The following PEX7 variants were observed in gnomAD, a reference collection of about 807,000 sequenced individuals.
The protein encoded by PEX7 is peroxisomal biogenesis factor 7, also known as PTS2 receptor.
A neutral mutation model predicts 47.5 loss-of-function variants in PEX7; 34 were observed. The observed-to-expected ratio is 0.72, with a 90% CI of 0.54 to 0.95. The LOEUF (loss-of-function observed/expected upper bound fraction) is 0.95. Ranked by LOEUF, PEX7 falls within the 40% of genes least tolerant of loss-of-function variation. The pLI is 0.00. For synonymous variants in PEX7, 141 were observed against 148.8 expected, an observed-to-expected ratio of 0.95 and a Z score of 0.38; for missense variants, 394 against 400.3, an observed-to-expected ratio of 0.98 and a Z score of 0.13.
At chr6:136,823,803 T>A (rs770372053) in intron 1 of PEX7, among the ~76,000 whole-genome samples, 1 of 151,996 alleles carries the variant, frequency 6.6e-6, no homozygotes, top group African/African-American at 2.4e-5. Context: ...GGTAAGAGAA[T>A]AGTTTGAACC....
At chr6:136,913,188 G>T (rs767311512) in intron 9 of PEX7, among the ~76,000 whole-genome samples, 1 of 152,176 alleles carries the variant, frequency 6.6e-6, no homozygotes, top group Non-Finnish European at 1.5e-5. Flanking sequence ...AAGTGAAGGT[G>T]GGGGACATTC....
chr6:136,822,946 CT>C (rs1774109387), intron 1 of PEX7, 151 bp downstream of exon 1: 1 of 1,209,004 alleles, frequency 8.3e-7, no homozygotes, highest in South Asian at 3.9e-5. Context: ...CTGGTCGGCG[CT>C]TCTCCTTTCT....
chr6:136,846,650 A>G (rs530280879), intron 5 of PEX7, among the ~76,000 whole-genome samples: 17 of 152,268 alleles, frequency 1.1e-4, no homozygotes, highest in African/African-American at 4.1e-4. Flanking sequence ...AGCTTTGTCC[A>G]TGTCCCTACA....
chr6:136,822,665 G>A lies in PEX7; in HGVS notation c.-1G>A, dbSNP rs754558087. 3.9e-6 allele frequency: 6 copies of A among 1,525,962 alleles called. No individual in the cohort carries two copies. The South Asian group carries it at 4.8e-5, about 12-fold the overall frequency. 94.5% of individuals were successfully genotyped at this position (1,525,962 alleles called of 1,614,324 possible). On this transcript the variant is annotated 5_prime_UTR_variant, in exon 1 of 10. Coordinates refer to ENST00000318471, the MANE Select transcript of PEX7 (RefSeq NM_000288.4). Reference sequence around the variant, plus strand: ...AGCGAGGGCCGGGGGCGGCGGGCGGGATGAGTGCGGTGTGCGGTGGAGCGG... The same window carrying A: ...AGCGAGGGCCGGGGGCGGCGGGCGGAATGAGTGCGGTGTGCGGTGGAGCGG...
chr6:136,858,264 A>G (rs1238408188), intron 5 of PEX7, among the ~76,000 whole-genome samples: 1 of 152,234 alleles, frequency 6.6e-6, no homozygotes, highest in Non-Finnish European at 1.5e-5. Context: ...GTAAGAGGAA[A>G]TGGGAAGTGG....
At position 136,900,110 on chromosome 6, in the gene PEX7, T is replaced by A. The variant is rs575224921; in HGVS notation, c.903+1869T>A. The stretch of plus-strand genomic sequence containing the variant: ...CCATTTCCTCAGCTATGGCGCTTCC[T>A]CGCCCAGGTCTGAAGAATACCAGAT... On this transcript the variant is annotated intron_variant, in intron 9 of 9. Transcript: ENST00000318471. The surrounding 1 kb of genome is among the most constrained non-coding windows in gnomAD (Gnocchi z 4.2). 6.5e-6 allele frequency: 1 copy of A among 153,420 alleles called. No individual in the cohort carries two copies. The highest frequency in any genetic ancestry group is 1.9e-4 in the East Asian group (1 of 5,238). The allele number at this position is 153,420 out of a possible 1,614,324, so 9.5% of individuals were successfully genotyped here.
chr6:136,900,662 G>A lies in PEX7; in HGVS notation c.903+2421G>A, dbSNP rs527568302. 1.5e-5 allele frequency: 5 copies of A among 335,062 alleles called. No individual in the cohort carries two copies. Among genetic ancestry groups the A allele is most frequent in the South Asian group, 1.2e-4 (5 of 40,842 alleles). The allele number at this position is 335,062 out of a possible 1,614,324, so 20.8% of individuals were successfully genotyped here. Reference sequence around the variant, plus strand: ...CCCATTTTATGAGACAGGGCAGGCAGGAAGACAACCAGCTTGATGGGATCC... The same window carrying A: ...CCCATTTTATGAGACAGGGCAGGCAAGAAGACAACCAGCTTGATGGGATCC... On this transcript the variant is annotated intron_variant, in intron 9 of 9. Transcript: ENST00000318471. This position sits in a 1 kb window ranked among gnomAD's most constrained non-coding sequence, Gnocchi z 4.2.
chr6:136,876,330 C>A (rs1233695592), intron 8 of PEX7, among the ~76,000 whole-genome samples: 1 of 152,150 alleles, frequency 6.6e-6, no homozygotes, highest in African/African-American at 2.4e-5. Flanking sequence ...AGCCACTGCG[C>A]CCGGCCGATT....
chr6:136,879,468 T>C (rs948486050), intron 8 of PEX7, among the ~76,000 whole-genome samples: 1 of 152,232 alleles, frequency 6.6e-6, no homozygotes, highest in Non-Finnish European at 1.5e-5. Context: ...GCTTTCTATG[T>C]CGTTTTTGAG....
At chr6:136,910,879 CAGAA>C (rs1775922294) in intron 9 of PEX7, among the ~76,000 whole-genome samples, 5 of 152,058 alleles carry the variant, frequency 3.3e-5, no homozygotes, top group Admixed American at 6.6e-5. Flanking sequence ...TACAAAGTAA[CAGAA>C]TCAGATAACG....
intron 9 of PEX7, among the ~76,000 whole-genome samples, chr6:136,905,299 T>G (rs1251023355): frequency 6.6e-6 from 1 of 152,220 alleles, no homozygotes; most frequent in African/African-American, 2.4e-5. Flanking sequence ...TGTTTTTAGA[T>G]CTTCAATCGG....
chr6:136,863,222 G>GTCT (rs1301238526), intron 5 of PEX7, among the ~76,000 whole-genome samples: 2 of 152,018 alleles, frequency 1.3e-5, no homozygotes, highest in African/African-American at 4.8e-5. Flanking sequence ...CATAGAAGAG[G>GTCT]GACTGACATT....
chr6:136,852,426 A>C (rs1774775744), intron 5 of PEX7, among the ~76,000 whole-genome samples: 1 of 103,154 alleles, frequency 9.7e-6, no homozygotes, highest in Non-Finnish European at 1.9e-5. Flanking sequence ...GTCTCAGCCC[A>C]AAATCTCCTT....
rs201562684 is a variant in PEX7, at chr6:136,869,997, G to T, written c.741G>T (p.Arg247Ser). 1 of 1,586,442 alleles carries T rather than the reference G, an allele frequency of 6.3e-7. No homozygotes were observed. The highest frequency in any genetic ancestry group is 1.3e-5 in the African/African-American group (1 of 74,330). Residue 247 changes from arginine (R) to serine (S), a missense_variant, in exon 7 of 10, where the codon AGG becomes AGT. Arg to Ser is a moderately radical substitution (Grantham distance 110). Coordinates refer to ENST00000318471, the MANE Select transcript of PEX7 (RefSeq NM_000288.4). Reference sequence around the variant, plus strand: ...TTGGTCATACCTATGCTATTAGGAGGGTGAAAGTAAGTTTTCATCTTTTCT... The same window carrying T: ...TTGGTCATACCTATGCTATTAGGAGTGTGAAAGTAAGTTTTCATCTTTTCT... Reference protein sequence around the residue: ...ELLGHTYAIRRVKFSPFHASV... With the variant: ...ELLGHTYAIRSVKFSPFHASV...
At chr6:136,864,087 A>C (rs1319426034) in intron 5 of PEX7, among the ~76,000 whole-genome samples, 1 of 151,992 alleles carries the variant, frequency 6.6e-6, no homozygotes, top group Non-Finnish European at 1.5e-5. Flanking sequence ...TTTCATCTTT[A>C]TATGCTGCAT....
intron 9 of PEX7, among the ~76,000 whole-genome samples, chr6:136,909,419 C>T (rs1775898320): frequency 6.6e-6 from 1 of 152,176 alleles, no homozygotes; most frequent in Non-Finnish European, 1.5e-5. Flanking sequence ...GTGAGGGGCT[C>T]TCTCTACTCA....
chr6:136,909,523 T>A (rs1775899940), intron 9 of PEX7, among the ~76,000 whole-genome samples: 1 of 152,194 alleles, frequency 6.6e-6, no homozygotes, highest in Non-Finnish European at 1.5e-5. Context: ...AGTTTTTCCT[T>A]ACCAGGAAGT....
At chr6:136,823,450 C>A in intron 1 of PEX7, 1 of 710,268 alleles carries the variant, frequency 1.4e-6, no homozygotes, top group Non-Finnish European at 1.7e-6. Flanking sequence ...TAAAGCTGCT[C>A]AGGAGGCTGA....
intron 8 of PEX7, 48 bp from the exon 9 acceptor site, chr6:136,898,094 T>C (rs745715564): frequency 2.7e-6 from 3 of 1,099,870 alleles, no homozygotes; most frequent in Admixed American, 1.7e-5. Flanking sequence ...ATATAAGTTT[T>C]TTGGTAGTTT....
Sources: allele counts gnomAD v4.1 joint callset (sites outside exome capture counted in the v4.1 genomes callset), GRCh38; gene constraint gnomAD v4.1.1; non-coding constraint Gnocchi (gnomAD v3.1); transcripts MANE v1.5; gene names NCBI Gene and HGNC (gene_info 2026-07-23, HGNC 2026-07-21).